The following AMOTL1 variants were observed in gnomAD, a reference collection of about 807,000 sequenced individuals.
AMOTL1 encodes angiomotin like 1, also known as angiomotin-like protein 1.
Under a neutral mutation model 102.9 loss-of-function variants are expected in AMOTL1, and 45 were observed. The ratio of observed to expected loss-of-function variants is 0.44; its 90% confidence interval spans 0.34 to 0.56. The LOEUF is 0.56. AMOTL1 is among the 20% of genes least tolerant of loss of function. The pLI is 0.01. For synonymous variants in AMOTL1, 481 were observed against 484.7 expected (o/e 0.99, Z 0.10); for missense variants, 1,114 against 1,225.6 (o/e 0.91, Z 1.36).
intron 3 of AMOTL1, among the ~76,000 whole-genome samples, chr11:94,816,719 A>G (rs555639607): frequency 1.1e-3 from 162 of 152,258 alleles, no homozygotes; most frequent in African/African-American, 3.8e-3. Context: ...GCTAAACAGG[A>G]CACCAAGTCC....
At chr11:94,779,252 A>T (rs894985306) in intron 1 of AMOTL1, among the ~76,000 whole-genome samples, 1 of 152,174 alleles carries the variant, frequency 6.6e-6, no homozygotes, top group Non-Finnish European at 1.5e-5. Flanking sequence ...TGTATAGTTG[A>T]AGGCAAATAT....
chr11:94,809,799 T>C (rs541298816), intron 3 of AMOTL1, among the ~76,000 whole-genome samples: 41 of 152,366 alleles, frequency 2.7e-4, no homozygotes, highest in African/African-American at 8.9e-4. Flanking sequence ...AGCTTATTTA[T>C]TAAAAATTTA....
intron 1 of AMOTL1, among the ~76,000 whole-genome samples, chr11:94,771,652 C>G (rs1420745478): frequency 6.6e-6 from 1 of 152,036 alleles, no homozygotes; most frequent in Admixed American, 6.6e-5. Context: ...GGAAGCCACT[C>G]CTGCTCTTGG....
At chr11:94,716,495 C>G (rs1382462983) in intron 1 of AMOTL1, among the ~76,000 whole-genome samples, 1 of 152,070 alleles carries the variant, frequency 6.6e-6, no homozygotes, top group Non-Finnish European at 1.5e-5. Flanking sequence ...TAAGCAGTCA[C>G]CCTTTTGGGG....
rs1402741791 is a variant in AMOTL1 at position 94,799,053 on chromosome 11, G to A, written c.200-337G>A. The stretch of plus-strand genomic sequence containing the variant: ...GGTGGTTTCTTTTGGTTTGATTTTG[G>A]TTTTCTCTTGTATTTTTTTTTAAAT... On this transcript the variant is annotated intron_variant, in intron 2 of 12. Coordinates refer to ENST00000433060, the MANE Select transcript of AMOTL1 (RefSeq NM_130847.3). This position sits in a 1 kb window ranked among gnomAD's most constrained non-coding sequence, Gnocchi z 4.5. Among the ~76,000 whole-genome samples, 1 of 151,964 alleles carries A rather than the reference G, an allele frequency of 6.6e-6. No homozygotes were observed. Among genetic ancestry groups the A allele is most frequent in the African/African-American group, 2.4e-5 (1 of 41,342 alleles).
intron 7 of AMOTL1, among the ~76,000 whole-genome samples, chr11:94,851,521 G>T (rs1292219682): frequency 1.3e-5 from 2 of 152,058 alleles, no homozygotes; most frequent in African/African-American, 4.8e-5. Flanking sequence ...TCCTTTAAGG[G>T]TCTTAATTCA....
rs189261772 is a variant in AMOTL1 at position 94,809,874 on chromosome 11, T to A, written c.1121+9563T>A. ...TCTGTTTTTTTTCTGATAAAGTGTT[T>A]GATTTAAGCACTTTTTCCTTTAAGC... is the stretch of plus-strand genomic sequence containing the variant. On this transcript the variant is annotated intron_variant, in intron 3 of 12. Transcript: ENST00000433060. Among the ~76,000 whole-genome samples, 227 of 152,322 alleles carry A rather than the reference T, an allele frequency of 1.5e-3. 2 individuals are homozygous for A. The highest frequency in any genetic ancestry group is 5.2e-3 in the African/African-American group (215 of 41,582).
At chr11:94,788,447 TA>T (rs1951229256) in intron 1 of AMOTL1, among the ~76,000 whole-genome samples, 6 of 152,202 alleles carry the variant, frequency 3.9e-5, no homozygotes, top group Admixed American at 3.3e-4. Context: ...CTTCCCTCAC[TA>T]CCACCTTCTC....
chr11:94,793,196 A>G (rs1251477629), intron 1 of AMOTL1, among the ~76,000 whole-genome samples: 1 of 152,214 alleles, frequency 6.6e-6, no homozygotes, highest in Non-Finnish European at 1.5e-5. Flanking sequence ...ATGCTGGCAC[A>G]TGGCATTCCT....
chr11:94,736,597 C>A (rs985942766), intron 2 of AMOTL1, among the ~76,000 whole-genome samples: 2 of 152,196 alleles, frequency 1.3e-5, no homozygotes, highest in Non-Finnish European at 2.9e-5. Context: ...AGACACTGTG[C>A]CTGGTCTGTC....
intron 3 of AMOTL1, among the ~76,000 whole-genome samples, chr11:94,747,974 C>G (rs1950609486): frequency 6.6e-6 from 1 of 152,160 alleles, no homozygotes; most frequent in Non-Finnish European, 1.5e-5. Context: ...AAAATGTAGT[C>G]TAGTTATATG....
At chr11:94,714,356 T>G (rs561780063) in intron 1 of AMOTL1, among the ~76,000 whole-genome samples, 38 of 152,200 alleles carry the variant, frequency 2.5e-4, no homozygotes, top group African/African-American at 8.2e-4. Context: ...TCTTCTTTTG[T>G]ACCGTGTCTG....
intron 1 of AMOTL1, among the ~76,000 whole-genome samples, chr11:94,715,749 A>G (rs1950086453): frequency 6.6e-6 from 1 of 152,076 alleles, no homozygotes; most frequent in South Asian, 2.1e-4. Flanking sequence ...GTCTGTAGGT[A>G]ATGCATCATT....
intron 1 of AMOTL1, among the ~76,000 whole-genome samples, chr11:94,787,334 G>T (rs1000206712): frequency 6.6e-6 from 1 of 152,038 alleles, no homozygotes; most frequent in African/African-American, 2.4e-5. Context: ...CTTTTTCACA[G>T]GTATTTGCAC....
intron 1 of AMOTL1, among the ~76,000 whole-genome samples, chr11:94,774,862 A>G (rs1591952335): frequency 6.6e-6 from 1 of 152,128 alleles, no homozygotes; most frequent in East Asian, 1.9e-4. Context: ...TTTGAAACAG[A>G]TCTATTTCTA....
chr11:94,749,594 C>T (rs1950627777), intron 3 of AMOTL1, among the ~76,000 whole-genome samples: 1 of 152,224 alleles, frequency 6.6e-6, no homozygotes, highest in African/African-American at 2.4e-5. Flanking sequence ...GGTGCTTCAT[C>T]ATCATTTGCT....
At chr11:94,769,970 G>A (rs1950921029) in intron 1 of AMOTL1, among the ~76,000 whole-genome samples, 2 of 152,174 alleles carry the variant, frequency 1.3e-5, no homozygotes, top group Admixed American at 6.5e-5. Context: ...AATTAAACCA[G>A]AATAGAGGGC....
chr11:94,835,434 A>G (rs2135673031), intron 6 of AMOTL1, among the ~76,000 whole-genome samples: 1 of 152,322 alleles, frequency 6.6e-6, no homozygotes, highest in East Asian at 1.9e-4. Flanking sequence ...CTTCTCAGTC[A>G]CGGAAACTTT....
intron 1 of AMOTL1, among the ~76,000 whole-genome samples, chr11:94,714,147 T>C (rs1950059952): frequency 6.6e-6 from 1 of 152,086 alleles, no homozygotes; most frequent in Admixed American, 6.6e-5. Context: ...TATGATCATG[T>C]GATTTTTTAT....
Sources: gnomAD v4.1 joint callset for allele counts (sites outside exome capture counted in the v4.1 genomes callset) on GRCh38, gnomAD v4.1.1 for gene constraint, Gnocchi (gnomAD v3.1) non-coding constraint, MANE v1.5 for transcripts, NCBI Gene and HGNC (gene_info 2026-07-23, HGNC 2026-07-21) for gene names.